Variants in NDST4 observed in about 807,000 individuals in gnomAD.
The protein encoded by NDST4 is N-heparan sulfate sulfotransferase 4.
NDST4 carries 63 observed loss-of-function variants against 100.8 expected under a neutral mutation model. That is an observed-to-expected ratio of 0.62 (90% CI 0.51 to 0.77). The LOEUF is 0.77. NDST4 is among the 30% of genes least tolerant of loss of function. The pLI, the probability that NDST4 is intolerant of heterozygous loss-of-function variation, is 0.00. For synonymous variants in NDST4, 377 were observed against 361.8 expected (o/e 1.04, Z -0.48); for missense variants, 943 against 1,018.4 (o/e 0.93, Z 1.01).
chr4:114,930,385 T>C (rs1393551580), intron 6 of NDST4, among the ~76,000 whole-genome samples: 1 of 152,230 alleles, frequency 6.6e-6, no homozygotes, highest in African/African-American at 2.4e-5. Context: ...CCTTTTGTTT[T>C]GTTTTGTTTT....
intron 1 of NDST4, among the ~76,000 whole-genome samples, chr4:115,082,796 CAA>C (rs67513336): frequency 0.44 from 67,464 of 151,772 alleles, 15,970 homozygotes; most frequent in Non-Finnish European, 0.55. Context: ...AGAGAAGAAA[CAA>C]AGATTAAGTT....
At chr4:114,901,083 C>T (rs1312884764) in intron 6 of NDST4, among the ~76,000 whole-genome samples, 1 of 151,778 alleles carries the variant, frequency 6.6e-6, no homozygotes, top group African/African-American at 2.4e-5. Flanking sequence ...ATCTTGGTTA[C>T]TGTTCCATGC....
chr4:115,039,768 G>T (rs188083427), intron 2 of NDST4, among the ~76,000 whole-genome samples: 1 of 152,106 alleles, frequency 6.6e-6, no homozygotes, highest in African/African-American at 2.4e-5. Flanking sequence ...TAAGAAAAGA[G>T]GGGTGTGTAA....
At chr4:115,050,231 C>A (rs1213966548) in intron 2 of NDST4, among the ~76,000 whole-genome samples, 1 of 152,038 alleles carries the variant, frequency 6.6e-6, no homozygotes. Flanking sequence ...TATCTCAATG[C>A]CCTGGAGAAT....
intron 2 of NDST4, among the ~76,000 whole-genome samples, chr4:114,998,477 T>C (rs867162517): frequency 6.6e-6 from 1 of 152,054 alleles, no homozygotes; most frequent in African/African-American, 2.4e-5. Flanking sequence ...ACAGATACTC[T>C]GGAGTAGCAC....
At chr4:114,917,380 T>C (rs1017490617) in intron 6 of NDST4, among the ~76,000 whole-genome samples, 1 of 152,062 alleles carries the variant, frequency 6.6e-6, no homozygotes, top group Non-Finnish European at 1.5e-5. Context: ...GCTGATGGAG[T>C]CTAGTTATTG....
intron 2 of NDST4, among the ~76,000 whole-genome samples, chr4:114,985,276 C>G (rs867747929): frequency 2.6e-4 from 39 of 152,104 alleles, no homozygotes; most frequent in Admixed American, 2.0e-4. Context: ...TATTTCGTTG[C>G]CATTTTTCTT....
chr4:114,970,984 T>C (rs920411034), intron 3 of NDST4, among the ~76,000 whole-genome samples: 1 of 152,068 alleles, frequency 6.6e-6, no homozygotes, highest in Non-Finnish European at 1.5e-5. Context: ...ACATAAATAA[T>C]ATATGTTTAT....
intron 4 of NDST4, among the ~76,000 whole-genome samples, chr4:114,962,292 G>A (rs1726280338): frequency 6.7e-6 from 1 of 149,338 alleles, no homozygotes; most frequent in African/African-American, 2.4e-5. Context: ...ACATTGTACT[G>A]AAAGTTACAG....
At chr4:114,916,502 G>A (rs1453531957) in intron 6 of NDST4, among the ~76,000 whole-genome samples, 1 of 149,656 alleles carries the variant, frequency 6.7e-6, no homozygotes, top group East Asian at 2.0e-4. Flanking sequence ...TAAGTACTCT[G>A]TCTAGTTCAG....
At chr4:115,099,373 T>A (rs1450424978) in intron 1 of NDST4, among the ~76,000 whole-genome samples, 1 of 152,028 alleles carries the variant, frequency 6.6e-6, no homozygotes, top group African/African-American at 2.4e-5. Flanking sequence ...AAGAGAAAGA[T>A]GACAGGCTAC....
At chr4:114,828,170 C>G (rs117141163) in intron 13 of NDST4, among the ~76,000 whole-genome samples, 1 of 151,844 alleles carries the variant, frequency 6.6e-6, no homozygotes, top group Non-Finnish European at 1.5e-5. Flanking sequence ...TCTGTCATTA[C>G]GGCACATATT....
chr4:114,876,291 G>A (rs1311128503), intron 6 of NDST4, among the ~76,000 whole-genome samples: 9 of 152,102 alleles, frequency 5.9e-5, no homozygotes, highest in Non-Finnish European at 1.2e-4. Flanking sequence ...TTAAAAATAT[G>A]TCCATTAGCT....
chr4:114,832,651 C>T (rs1401026250), intron 12 of NDST4, among the ~76,000 whole-genome samples: 1 of 152,162 alleles, frequency 6.6e-6, no homozygotes, highest in East Asian at 1.9e-4. Context: ...CCAAGAGGTG[C>T]AGTCTTGTTT....
intron 7 of NDST4, among the ~76,000 whole-genome samples, chr4:114,863,939 T>A (rs1241959247): frequency 6.6e-6 from 1 of 152,170 alleles, no homozygotes; most frequent in Non-Finnish European, 1.5e-5. Flanking sequence ...AAATTGCAAA[T>A]TCGCAATCAA....
Position 114,833,699 on chromosome 4 carries a change from C to T in NDST4, c.2303G>A (p.Gly768Glu), listed in dbSNP as rs1723251403. 1.6e-5 allele frequency: 25 copies of T among 1,607,802 alleles called. No homozygotes were observed. Among genetic ancestry groups the T allele is most frequent in the South Asian group, 3.3e-5 (3 of 89,680 alleles). ...FATSQLLIID[G>E]QQLRSDPATV... ...AGCTGGGTCAGATCTCAGCTGCTGT[C>T]CATCAATAATTAGCAACTGTAAAGT... is the stretch of plus-strand genomic sequence containing the variant. The change falls in exon 12 of 14, where the codon GGA becomes GAA. Residue 768 changes from glycine to glutamate, a missense_variant. Around this residue, in one of 2 missense-constraint regions of NDST4, gnomAD observed 526 missense variants for 634.1 expected, o/e 0.83. Coordinates refer to ENST00000264363, the MANE Select transcript of NDST4 (RefSeq NM_022569.3).
chr4:114,977,356 T>C (rs1420471891), intron 2 of NDST4, 82 bp from the exon 3 acceptor site: 3 of 814,068 alleles, frequency 3.7e-6, no homozygotes, highest in East Asian at 2.6e-5. Flanking sequence ...TGTGTATGCA[T>C]GAGTAAAACA....
In NDST4 at chr4:115,076,105, A is replaced by G. The variant is rs1353960196; in HGVS notation, c.932T>C (p.Ile311Thr). The G allele has an allele frequency of 6.2e-7, 1 of 1,613,540 alleles. No homozygotes were observed. Among genetic ancestry groups the G allele is most frequent in the South Asian group, 1.1e-5 (1 of 90,976 alleles). The stretch of plus-strand genomic sequence containing the variant: ...CCTTGTTCCCTCTTTCCCAACAAAT[A>G]TATCATCAATGTCCACAAGGATGTA... ...DRYILVDIDD[I>T]FVGKEGTRMN... Residue 311 changes from isoleucine to threonine, a missense_variant, in exon 2 of 14, where the codon ATA (isoleucine) becomes ACA (threonine). By Grantham distance (89) the Ile-to-Thr change is moderately conservative. Coordinates refer to ENST00000264363, the MANE Select transcript of NDST4 (RefSeq NM_022569.3).
chr4:114,896,392 G>A (rs1027258067), intron 6 of NDST4, among the ~76,000 whole-genome samples: 1 of 152,032 alleles, frequency 6.6e-6, no homozygotes, highest in Non-Finnish European at 1.5e-5. Flanking sequence ...GGGAGGCCGA[G>A]GTGGGTGGAT....
Sources: gnomAD v4.1 joint callset for allele counts (sites outside exome capture counted in the v4.1 genomes callset) on GRCh38, gnomAD v4.1.1 for gene constraint, gnomAD v4.1.1 regional missense constraint, MANE v1.5 for transcripts, NCBI Gene and HGNC (gene_info 2026-07-23, HGNC 2026-07-21) for gene names.